Variants in STK32B observed in about 807,000 individuals in gnomAD.
The protein encoded by STK32B is serine/threonine kinase 32B.
STK32B carries 43 observed loss-of-function variants against 52.6 expected under a neutral mutation model. That is an observed-to-expected ratio of 0.82 (90% confidence interval 0.64 to 1.05). STK32B has a LOEUF of 1.05. Ranked by LOEUF, STK32B falls within the 50% of genes least tolerant of loss-of-function variation. STK32B has a pLI of 0.00. For synonymous variants in STK32B, 238 were observed against 204.3 expected (o/e 1.17, Z -1.41); for missense variants, 621 against 534.6 (o/e 1.16, Z -1.59).
At chr4:5,354,934 G>T (rs759101557) in intron 4 of STK32B, among the ~76,000 whole-genome samples, 3 of 152,152 alleles carry the variant, frequency 2.0e-5, no homozygotes, top group Non-Finnish European at 4.4e-5. Flanking sequence ...ACCTTAATCC[G>T]CTGTAGCTGG....
chr4:5,388,638 T>G (rs558972218), intron 4 of STK32B, among the ~76,000 whole-genome samples: 1 of 152,312 alleles, frequency 6.6e-6, no homozygotes, highest in East Asian at 1.9e-4. Flanking sequence ...CACGGATCTA[T>G]CATTTCAATT....
At position 5,102,702 on chromosome 4, in the gene STK32B, T is replaced by G. The variant is rs1274778697; in HGVS notation, c.53-37203T>G. ...ACACACCACCATACCTGGCTAATTT[T>G]TTTTTTTGTTTTTAATTTTTAGTAG... On this transcript the variant is annotated intron_variant, in intron 1 of 11. Transcript: ENST00000282908. Among the ~76,000 whole-genome samples, 5 of 151,534 alleles carry G rather than the reference T, an allele frequency of 3.3e-5. No homozygotes were observed. The East Asian group carries it at 7.8e-4, about 24-fold the overall frequency.
intron 1 of STK32B, among the ~76,000 whole-genome samples, chr4:5,094,300 G>A (rs1420604711): frequency 6.6e-6 from 1 of 152,206 alleles, no homozygotes; most frequent in Non-Finnish European, 1.5e-5. Flanking sequence ...AAAATGTCAA[G>A]TTAACAGAAG....
At chr4:5,483,385 A>G (rs1312383659) in intron 11 of STK32B, among the ~76,000 whole-genome samples, 2 of 152,106 alleles carry the variant, frequency 1.3e-5, no homozygotes, top group Admixed American at 6.5e-5. Flanking sequence ...AGAGGTGTTT[A>G]TAGTGTTCTC....
At position 5,377,635 on chromosome 4, in the gene STK32B, G is replaced by T. The variant is rs144114550; in HGVS notation, c.435-20572G>T. Among the ~76,000 whole-genome samples, 1,236 of 152,308 alleles carry T rather than the reference G, an allele frequency of 8.1e-3. 12 individuals carry two copies. Among genetic ancestry groups the T allele is most frequent in the African/African-American group, 0.028 (1,179 of 41,558 alleles). On this transcript the variant is annotated intron_variant, in intron 4 of 11. Coordinates refer to ENST00000282908, the MANE Select transcript of STK32B (RefSeq NM_018401.3). ...CCCATAATCCCCACGTGTCAAGGGA[G>T]GACCCAGGTAGGAGGTGATTGGATC...
Position 5,129,045 on chromosome 4 carries a change from C to T in STK32B, c.53-10860C>T, listed in dbSNP as rs1023946071. Among the ~76,000 whole-genome samples, 4 of 152,190 alleles carry T rather than the reference C, an allele frequency of 2.6e-5. No individual in the cohort carries two copies. The East Asian group carries it at 7.7e-4, about 29-fold the overall frequency. ...CTGTGGCCTTGAACTAATAGATTAT[C>T]TGCTGAGAGGCAAAATCGCACACCT... On this transcript the variant is annotated intron_variant, in intron 1 of 11. Coordinates refer to ENST00000282908, the MANE Select transcript of STK32B (RefSeq NM_018401.3).
chr4:5,340,090 G>A (rs4689212), intron 4 of STK32B, among the ~76,000 whole-genome samples: 37 of 152,222 alleles, frequency 2.4e-4, no homozygotes, highest in Admixed American at 3.9e-4. Flanking sequence ...TTAGAAGATT[G>A]ACTTTTCATA....
At position 5,172,845 on chromosome 4, in the gene STK32B, T is replaced by C. The variant is rs545740631; in HGVS notation, c.260+4395T>C. ...TCATAAAATGAGTTAGGGAGGATTC[T>C]GTCTTTTTCTATTGATTGGAATAGT... is the stretch of plus-strand genomic sequence containing the variant. On this transcript the variant is annotated intron_variant, in intron 3 of 11. Transcript: ENST00000282908. 4.8e-3 allele frequency among the ~76,000 whole-genome samples: 733 copies of C among 152,254 alleles called. 6 individuals are homozygous for C. Among genetic ancestry groups the C allele is most frequent in the Middle Eastern group, 0.014 (4 of 294 alleles).
Position 5,114,689 on chromosome 4 carries a change from A to T in STK32B, c.53-25216A>T, listed in dbSNP as rs149366843. Among the ~76,000 whole-genome samples, 4 of 152,346 alleles carry T rather than the reference A, an allele frequency of 2.6e-5. No individual in the cohort carries two copies. The East Asian group carries it at 7.7e-4, about 29-fold the overall frequency. On this transcript the variant is annotated intron_variant, in intron 1 of 11. Transcript: ENST00000282908. ...CTTTTGTTCAGTTCAGATCTTTTCA[A>T]ACAACTCGCTCCCGTCTTCCAATGA... is the stretch of plus-strand genomic sequence containing the variant.
At chr4:5,049,410 C>A (rs545197919), upstream of STK32B, among the ~76,000 whole-genome samples, 1 of 152,244 alleles carries the variant, frequency 6.6e-6, no homozygotes, top group South Asian at 2.1e-4. Flanking sequence ...AGCAATAAAG[C>A]TTTTTAATCA....
intron 1 of STK32B, among the ~76,000 whole-genome samples, chr4:5,125,408 A>C (rs754236816): frequency 3.3e-5 from 5 of 152,214 alleles, no homozygotes; most frequent in African/African-American, 4.8e-5. Context: ...AAATTAATGC[A>C]ATAGGTCCCT....
At chr4:5,225,737 C>A (rs2108800730) in intron 3 of STK32B, among the ~76,000 whole-genome samples, 1 of 152,296 alleles carries the variant, frequency 6.6e-6, no homozygotes. Context: ...GCTGGAAGGG[C>A]TCAAGGAAGG....
At position 5,356,114 on chromosome 4, in the gene STK32B, T is replaced by G. The variant is rs574113436; in HGVS notation, c.434+24721T>G. The stretch of plus-strand genomic sequence containing the variant: ...CTGGGCAGGGCTGCAATGTGAGAAA[T>G]AGATCAGGGAGGAGGTGGCTTTATA... On this transcript the variant is annotated intron_variant, in intron 4 of 11. Transcript: ENST00000282908. Among the ~76,000 whole-genome samples, 5 of 152,136 alleles carry G rather than the reference T, an allele frequency of 3.3e-5. No homozygotes were observed. In the South Asian group the frequency reaches 6.2e-4, roughly 19 times the overall value.
chr4:5,097,241 A>T (rs1713452241), intron 1 of STK32B, among the ~76,000 whole-genome samples: 1 of 152,224 alleles, frequency 6.6e-6, no homozygotes. Context: ...CCATAAATGG[A>T]TGTGGACATG....
chr4:5,317,254 CAT>C (rs1284464204), intron 3 of STK32B, among the ~76,000 whole-genome samples: 11 of 17,686 alleles, frequency 6.2e-4, no homozygotes, highest in South Asian at 1.9e-3. Context: ...TTATATATAA[CAT>C]ATAACATATA....
intron 3 of STK32B, among the ~76,000 whole-genome samples, chr4:5,260,105 G>GCA (rs937317320): frequency 4.6e-5 from 7 of 151,736 alleles, no homozygotes; most frequent in Non-Finnish European, 8.8e-5. Context: ...ACACGTGCAC[G>GCA]CACACACACA....
intron 3 of STK32B, among the ~76,000 whole-genome samples, chr4:5,329,402 C>T (rs997331577): frequency 3.3e-5 from 5 of 152,202 alleles, no homozygotes; most frequent in African/African-American, 1.2e-4. Context: ...AGCCTCCCGC[C>T]ATGGGTCATG....
intron 6 of STK32B, among the ~76,000 whole-genome samples, chr4:5,428,174 G>A (rs962679158): frequency 2.6e-5 from 4 of 152,000 alleles, no homozygotes; most frequent in African/African-American, 9.7e-5. Context: ...TTGGGAGGCC[G>A]ACGCGGGCGG....
chr4:5,467,985 C>A lies in STK32B; in HGVS notation c.1042-21C>A. 6.2e-7 allele frequency: 1 copy of A among 1,613,946 alleles called. No individual in the cohort carries two copies. The highest frequency in any genetic ancestry group is 8.5e-7 in the Non-Finnish European group (1 of 1,179,860). ...CGGACCGTGCTTTGTCATTTAGTCACCCCTCTGTGCTCTTTGACAGAATGG... is the reference window on the plus strand; with the variant it reads ...CGGACCGTGCTTTGTCATTTAGTCAACCCTCTGTGCTCTTTGACAGAATGG... On this transcript the variant is annotated intron_variant, in intron 10 of 11. Transcript: ENST00000282908. This position sits in a 1 kb window ranked among gnomAD's most constrained non-coding sequence, Gnocchi z 5.8.
Sources: gnomAD v4.1 joint callset for allele counts (sites outside exome capture counted in the v4.1 genomes callset) on GRCh38, gnomAD v4.1.1 for gene constraint, Gnocchi (gnomAD v3.1) non-coding constraint, MANE v1.5 for transcripts, NCBI Gene and HGNC (gene_info 2026-07-23, HGNC 2026-07-21) for gene names.